Variants in NEK7 observed in about 807,000 individuals in gnomAD.
NEK7 encodes serine/threonine-protein kinase Nek7.
In NEK7, 18 loss-of-function variants were observed where a neutral mutation model predicts 44.6. The observed-to-expected ratio is 0.40, with a 90% CI of 0.28 to 0.60. The LOEUF is 0.60. Among genes scored for constraint, NEK7 ranks in the 20% least tolerant of loss-of-function variants. NEK7 has a pLI of 0.38. For missense variants in NEK7, 256 were observed against 366.5 expected, an observed-to-expected ratio of 0.70 and a Z score of 2.46; for synonymous variants, 130 against 121.1, an observed-to-expected ratio of 1.07 and a Z score of -0.48.
At chr1:198,210,680 A>G (rs1665735720) in intron 1 of NEK7, among the ~76,000 whole-genome samples, 1 of 138,364 alleles carries the variant, frequency 7.2e-6, no homozygotes, top group South Asian at 2.3e-4. Context: ...TTTGTATAAT[A>G]TTTATTATTT....
chr1:198,179,667 C>A (rs1321538117), intron 1 of NEK7, among the ~76,000 whole-genome samples: 1 of 152,082 alleles, frequency 6.6e-6, no homozygotes, highest in Non-Finnish European at 1.5e-5. Flanking sequence ...TTTCTGTGGT[C>A]TTGAGGACTG....
At position 198,319,565 on chromosome 1, in the gene NEK7, A is replaced by G. The variant is rs1655478585; in HGVS notation, c.*43A>G. 1 of 1,561,944 alleles carries G rather than the reference A, an allele frequency of 6.4e-7. No individual in the cohort carries two copies. Among genetic ancestry groups the G allele is most frequent in the African/African-American group, 1.4e-5 (1 of 73,548 alleles). The stretch of plus-strand genomic sequence containing the variant: ...GAGTGTAACCAAAGTAATTGAAAGT[A>G]TTTTGTGCAAGTCATACCTCCCCAT... On this transcript the variant is annotated 3_prime_UTR_variant, in exon 10 of 10. Transcript: ENST00000367385.
chr1:198,304,587 T>A (rs1226422919), intron 9 of NEK7, among the ~76,000 whole-genome samples: 2 of 152,128 alleles, frequency 1.3e-5, no homozygotes, highest in Non-Finnish European at 2.9e-5. Flanking sequence ...ATTGTGTTAG[T>A]GACCTAAAGC....
At chr1:198,310,939 A>G (rs982341738) in intron 9 of NEK7, among the ~76,000 whole-genome samples, 24 of 149,062 alleles carry the variant, frequency 1.6e-4, no homozygotes, top group African/African-American at 2.7e-4. Flanking sequence ...TTGGTTCCAT[A>G]TGAACTTTGA....
intron 1 of NEK7, among the ~76,000 whole-genome samples, chr1:198,190,482 C>A (rs1039337295): frequency 2.0e-5 from 3 of 151,784 alleles, no homozygotes; most frequent in African/African-American, 4.8e-5. Flanking sequence ...TTATGGACTT[C>A]TAGAATAAAA....
At chr1:198,298,571 A>G (rs144963671) in intron 9 of NEK7, among the ~76,000 whole-genome samples, 6 of 152,330 alleles carry the variant, frequency 3.9e-5, no homozygotes, top group African/African-American at 1.4e-4. Flanking sequence ...GGTATAGACT[A>G]TAAATATGGC....
At chr1:198,192,527 T>C (rs1195133924) in intron 1 of NEK7, among the ~76,000 whole-genome samples, 1 of 152,056 alleles carries the variant, frequency 6.6e-6, no homozygotes, top group African/African-American at 2.4e-5. Flanking sequence ...ATTTACCAGC[T>C]GAAGTGGAAA....
At chr1:198,181,516 GAAGTAACT>G (rs1406912175) in intron 1 of NEK7, among the ~76,000 whole-genome samples, 1 of 152,078 alleles carries the variant, frequency 6.6e-6, no homozygotes, top group East Asian at 1.9e-4. Flanking sequence ...CTTAGTATTT[GAAGTAACT>G]AAGACTCAGA....
At chr1:198,233,824 C>T (rs922522705) in intron 2 of NEK7, among the ~76,000 whole-genome samples, 5 of 143,250 alleles carry the variant, frequency 3.5e-5, no homozygotes, top group Non-Finnish European at 4.5e-5. Context: ...CTACAAAAAA[C>T]GATCTTTTCT....
chr1:198,191,984 T>G (rs1571516577), intron 1 of NEK7, among the ~76,000 whole-genome samples: 5 of 152,224 alleles, frequency 3.3e-5, no homozygotes, highest in Admixed American at 3.3e-4. Context: ...CTGCTTCAAT[T>G]GCCCTTTCAA....
chr1:198,168,752 A>T (rs1664341890), intron 1 of NEK7, among the ~76,000 whole-genome samples: 1 of 152,152 alleles, frequency 6.6e-6, no homozygotes, highest in Admixed American at 6.6e-5. Context: ...CCAAAGAAAG[A>T]TAAATTTGGG....
chr1:198,272,267 T>C lies in NEK7; in HGVS notation c.373-5694T>C, dbSNP rs537326761. On this transcript the variant is annotated intron_variant, in intron 5 of 9. Transcript: ENST00000367385. ...TGCTTGGAAAAAATTGAAGATAATT[T>C]TGAAGGAGCTTATTGCTCCTTACAT... Among the ~76,000 whole-genome samples the C allele has an allele frequency of 1.0e-3, 152 of 151,900 alleles. 2 individuals are homozygous for C. Among genetic ancestry groups the C allele is most frequent in the Middle Eastern group, 3.4e-3 (1 of 294 alleles).
chr1:198,194,496 T>TATGTTGTTTCC (rs1387966307), intron 1 of NEK7, among the ~76,000 whole-genome samples: 3 of 152,112 alleles, frequency 2.0e-5, no homozygotes, highest in African/African-American at 7.2e-5. Flanking sequence ...TCTCTATGTG[T>TATGTTGTTTCC]CTGTTGTTTC....
intron 1 of NEK7, among the ~76,000 whole-genome samples, chr1:198,180,195 T>C (rs978020822): frequency 3.6e-4 from 54 of 151,904 alleles, no homozygotes; most frequent in African/African-American, 1.1e-3. Flanking sequence ...TTTTTTTTTT[T>C]GGTGGGGGGG....
At chr1:198,230,778 C>G (rs1208195975) in intron 1 of NEK7, among the ~76,000 whole-genome samples, 2 of 151,820 alleles carry the variant, frequency 1.3e-5, no homozygotes, top group Non-Finnish European at 2.9e-5. Context: ...TTCCTATATA[C>G]TAACAATCAG....
Position 198,319,985 on chromosome 1 carries a change from G to A in NEK7, c.*463G>A, listed in dbSNP as rs978810509. 2.6e-5 allele frequency: 4 copies of A among 152,342 alleles called. No homozygotes were observed. Among genetic ancestry groups the A allele is most frequent in the South Asian group, 2.1e-4 (1 of 4,838 alleles). 9.4% of individuals were successfully genotyped at this position (152,342 alleles called of 1,614,324 possible). ...TTTTGTGAAGATTTTATTTTTAAACGTTTGAAGTACTAGTTTTAGTTCTTA... is the reference window on the plus strand; with the variant it reads ...TTTTGTGAAGATTTTATTTTTAAACATTTGAAGTACTAGTTTTAGTTCTTA... On this transcript the variant is annotated 3_prime_UTR_variant, in exon 10 of 10. Transcript: ENST00000367385.
At chr1:198,300,648 G>A (rs1172703414) in intron 9 of NEK7, among the ~76,000 whole-genome samples, 1 of 151,924 alleles carries the variant, frequency 6.6e-6, no homozygotes, top group Non-Finnish European at 1.5e-5. Context: ...TTGAGGATCA[G>A]TAACTCTGCT....
At chr1:198,302,862 C>T (rs549718187) in intron 9 of NEK7, among the ~76,000 whole-genome samples, 3 of 150,924 alleles carry the variant, frequency 2.0e-5, no homozygotes, top group Admixed American at 6.6e-5. Flanking sequence ...GGTACCTGTG[C>T]GGCATGGCAT....
rs560184252 is a variant in NEK7, at chr1:198,309,590, C to T, written c.799-9822C>T. ...GTATATCTCCCAATGCTATCCCTCC[C>T]TCCTCCCCCCACCCCACAACAGTCC... On this transcript the variant is annotated intron_variant, in intron 9 of 9. Transcript: ENST00000367385. Among the ~76,000 whole-genome samples, 23 of 151,856 alleles carry T rather than the reference C, an allele frequency of 1.5e-4. 1 individual carries two copies. The South Asian group carries it at 2.9e-3, about 19-fold the overall frequency.
Sources: allele counts gnomAD v4.1 joint callset (sites outside exome capture counted in the v4.1 genomes callset), GRCh38; gene constraint gnomAD v4.1.1; transcripts MANE v1.5; gene names NCBI Gene and HGNC (gene_info 2026-07-23, HGNC 2026-07-21).